Variants in F2 observed in about 807,000 individuals in gnomAD.
The protein encoded by F2 is coagulation factor II, thrombin.
In F2, 34 loss-of-function variants were observed where a neutral mutation model predicts 81.9. That is an observed-to-expected ratio of 0.42 (90% CI 0.32 to 0.55). The LOEUF (loss-of-function observed/expected upper bound fraction) is 0.55, where lower values mean the gene tolerates loss of function less well. Ranked by LOEUF, F2 falls within the 20% of genes least tolerant of loss-of-function variation. The pLI, the probability that F2 is intolerant of heterozygous loss-of-function variation, is 0.18. For missense variants in F2, 630 were observed against 833.4 expected, an observed-to-expected ratio of 0.76 and a Z score of 3.00; for synonymous variants, 296 against 326.4, an observed-to-expected ratio of 0.91 and a Z score of 1.01.
In F2 at chr11:46,728,250, T is replaced by C. The variant is rs1005882930; in HGVS notation, c.1298+87T>C. On this transcript the variant is annotated intron_variant, in intron 10 of 13. Coordinates refer to ENST00000311907, the MANE Select transcript of F2 (RefSeq NM_000506.5). The surrounding 1 kb of genome is among the most constrained non-coding windows in gnomAD (Gnocchi z 5.1). ...GGGGCCCTGGTGGCTCCGGGACACA[T>C]AGGATGTTCTGTATACCCCCCAGAA... The C allele has an allele frequency of 1.3e-5, 18 of 1,384,996 alleles. No individual in the cohort carries two copies. The African/African-American group carries it at 2.0e-4, about 15-fold the overall frequency. 85.8% of individuals were successfully genotyped at this position (1,384,996 alleles called of 1,614,324 possible).
chr11:46,719,775 G>A lies in F2; in HGVS notation c.153G>A (p.Val51=), dbSNP rs1021513492. The change falls in exon 2 of 14, where the codon GTG becomes GTA. Residue 51 remains valine, a synonymous_variant. Coordinates refer to ENST00000311907, the MANE Select transcript of F2 (RefSeq NM_000506.5). This position sits in a 1 kb window ranked among gnomAD's most constrained non-coding sequence, Gnocchi z 4.7. ...GAGCCAACACCTTCTTGGAGGAGGT[G>A]CGCAAGGGCAACCTGGAGCGAGAGT... ...VRRANTFLEE[V]RKGNLERECV... The A allele has an allele frequency of 8.8e-6, 14 of 1,598,050 alleles. No homozygotes were observed. In the African/African-American group the frequency reaches 9.4e-5, roughly 11 times the overall value.
At chr11:46,725,604 G>T (rs1401383731) in intron 6 of F2, among the ~76,000 whole-genome samples, 1 of 152,166 alleles carries the variant, frequency 6.6e-6, no homozygotes, top group Non-Finnish European at 1.5e-5. Context: ...TGGCCTAGGA[G>T]GCCAAACCTG....
At position 46,723,360 on chromosome 11, in the gene F2, G is replaced by A; in HGVS notation, c.423-22G>A. On this transcript the variant is annotated intron_variant, in intron 5 of 13. Coordinates refer to ENST00000311907, the MANE Select transcript of F2 (RefSeq NM_000506.5). This position sits in a 1 kb window ranked among gnomAD's most constrained non-coding sequence, Gnocchi z 5.6. ...CGTACCTCAAGCCCAACAGCCTCCT[G>A]TTGGGCAATTTCCTGTTCCAGAATC... The A allele has an allele frequency of 6.2e-7, 1 of 1,613,532 alleles. No homozygotes were observed. Among genetic ancestry groups the A allele is most frequent in the Non-Finnish European group, 8.5e-7 (1 of 1,179,510 alleles).
In F2 at chr11:46,739,452, G is replaced by C; in HGVS notation, c.*44G>C. 1 of 1,612,398 alleles carries C rather than the reference G, an allele frequency of 6.2e-7. No individual in the cohort carries two copies. The highest frequency in any genetic ancestry group is 8.5e-7 in the Non-Finnish European group (1 of 1,179,522). The stretch of plus-strand genomic sequence containing the variant: ...GGCTCCTGGAACCAATCCCGTGAAA[G>C]AATTATTTTTGTGTTTCTAAAACTA... On this transcript the variant is annotated 3_prime_UTR_variant, in exon 14 of 14. Coordinates refer to ENST00000311907, the MANE Select transcript of F2 (RefSeq NM_000506.5).
chr11:46,728,189 T>C lies in F2; in HGVS notation c.1298+26T>C. 6.3e-7 allele frequency: 1 copy of C among 1,599,164 alleles called. No homozygotes were observed. Reference sequence around the variant, plus strand: ...GTACAGAACTGGTGGCCCGTGGGTGTCTGGCAGGGGTCTGAGTCCTCCAAA... The same window carrying C: ...GTACAGAACTGGTGGCCCGTGGGTGCCTGGCAGGGGTCTGAGTCCTCCAAA... On this transcript the variant is annotated intron_variant, in intron 10 of 13. Transcript: ENST00000311907. The surrounding 1 kb of genome is among the most constrained non-coding windows in gnomAD (Gnocchi z 5.1).
At chr11:46,724,459 C>G (rs1233246362) in intron 6 of F2, among the ~76,000 whole-genome samples, 1 of 152,096 alleles carries the variant, frequency 6.6e-6, no homozygotes, top group African/African-American at 2.4e-5. Context: ...AAAGAAGGTA[C>G]CTGGGAAAAC....
At chr11:46,720,323 T>G in intron 2 of F2, 200 bp from the exon 3 acceptor site, 2 of 635,900 alleles carry the variant, frequency 3.1e-6, no homozygotes, top group Admixed American at 2.4e-5. Flanking sequence ...AGTCTCGGTG[T>G]GTGTGTTGGA....
Position 46,726,147 on chromosome 11 carries a change from T to C in F2, c.848T>C (p.Phe283Ser), listed in dbSNP as rs2064871108. The change falls in exon 7 of 14, where the codon TTT becomes TCT. Residue 283 changes from phenylalanine to serine, a missense_variant. Phe to Ser is a radical substitution (Grantham distance 155). Coordinates refer to ENST00000311907, the MANE Select transcript of F2 (RefSeq NM_000506.5). The surrounding 1 kb of genome is among the most constrained non-coding windows in gnomAD (Gnocchi z 5.9). ...WCYVAGKPGD[F>S]GYCDLNYCEE... ...TATGTGGCCGGGAAGCCTGGCGACT[T>C]TGGGTACTGCGACCTCAACTATTGT... 1 of 1,613,958 alleles carries C rather than the reference T, an allele frequency of 6.2e-7. No homozygotes were observed. Among genetic ancestry groups the C allele is most frequent in the Non-Finnish European group, 8.5e-7 (1 of 1,180,008 alleles).
intron 12 of F2, among the ~76,000 whole-genome samples, chr11:46,733,062 C>T (rs2064923175): frequency 6.6e-6 from 1 of 152,078 alleles, no homozygotes; most frequent in South Asian, 2.1e-4. Flanking sequence ...ATATAAAAAA[C>T]CATGAGTTCC....
rs1457898663 is a variant in F2 at position 46,723,355 on chromosome 11, C to T, written c.423-27C>T. The T allele has an allele frequency of 6.2e-7, 1 of 1,613,376 alleles. No individual in the cohort carries two copies. Among genetic ancestry groups the T allele is most frequent in the Admixed American group, 1.7e-5 (1 of 59,972 alleles). Reference sequence around the variant, plus strand: ...GCAAGCGTACCTCAAGCCCAACAGCCTCCTGTTGGGCAATTTCCTGTTCCA... The same window carrying T: ...GCAAGCGTACCTCAAGCCCAACAGCTTCCTGTTGGGCAATTTCCTGTTCCA... On this transcript the variant is annotated intron_variant, in intron 5 of 13. Coordinates refer to ENST00000311907, the MANE Select transcript of F2 (RefSeq NM_000506.5). The surrounding 1 kb of genome is among the most constrained non-coding windows in gnomAD (Gnocchi z 5.6).
Position 46,723,906 on chromosome 11 carries a change from A to G in F2, c.559+388A>G, listed in dbSNP as rs532644265. Among the ~76,000 whole-genome samples the G allele has an allele frequency of 4.0e-4, 61 of 151,666 alleles. No individual in the cohort carries two copies. Among genetic ancestry groups the G allele is most frequent in the African/African-American group, 1.4e-3 (56 of 41,430 alleles). On this transcript the variant is annotated intron_variant, in intron 6 of 13. Coordinates refer to ENST00000311907, the MANE Select transcript of F2 (RefSeq NM_000506.5). The surrounding 1 kb of genome is among the most constrained non-coding windows in gnomAD (Gnocchi z 5.6). ...ACTCTGTCTCAAAGAAAAAAAAAAG[A>G]TGCTGGCCACCTTCAGAGCTGGCGT...
Position 46,719,999 on chromosome 11 carries a change from C to G in F2, c.240+137C>G, listed in dbSNP as rs866560182. The G allele has an allele frequency of 1.4e-5, 17 of 1,248,330 alleles. No homozygotes were observed. The highest frequency in any genetic ancestry group is 2.7e-4 in the Middle Eastern group (1 of 3,706). The allele number at this position is 1,248,330 out of a possible 1,614,324, so 77.3% of individuals were successfully genotyped here. On this transcript the variant is annotated intron_variant, in intron 2 of 13. Transcript: ENST00000311907. The surrounding 1 kb of genome is among the most constrained non-coding windows in gnomAD (Gnocchi z 4.7). ...CATTTCAACTCTGAGCCCCTCCTCA[C>G]AGGGCTGGCAAGAGGAGCGGCCTCA... is the stretch of plus-strand genomic sequence containing the variant.
At chr11:46,733,283 A>G (rs2064924920) in intron 12 of F2, among the ~76,000 whole-genome samples, 1 of 152,212 alleles carries the variant, frequency 6.6e-6, no homozygotes, top group African/African-American at 2.4e-5. Flanking sequence ...AGCCCACTGC[A>G]ACCTCTGCCT....
chr11:46,738,045 G>T (rs3136506), intron 12 of F2, among the ~76,000 whole-genome samples: 1 of 151,430 alleles, frequency 6.6e-6, no homozygotes, highest in Non-Finnish European at 1.5e-5. Flanking sequence ...TCGCTCAGGC[G>T]GTAGTGCAGT....
chr11:46,735,567 G>A (rs1399004521), intron 12 of F2, among the ~76,000 whole-genome samples: 2 of 152,028 alleles, frequency 1.3e-5, no homozygotes, highest in African/African-American at 4.8e-5. Flanking sequence ...ATACTGCAGT[G>A]AGCTATGACC....
intron 9 of F2, among the ~76,000 whole-genome samples, 168 bp downstream of exon 9, chr11:46,727,005 C>A (rs1241533514): frequency 6.6e-6 from 1 of 151,660 alleles, no homozygotes; most frequent in Non-Finnish European, 1.5e-5. Context: ...TTGTTTACTT[C>A]TTTTTTTTTG....
intron 12 of F2, among the ~76,000 whole-genome samples, chr11:46,738,037 G>A (rs117303522): frequency 0.012 from 1,819 of 151,522 alleles, 16 homozygotes; most frequent in Middle Eastern, 0.027. Flanking sequence ...TTGTTCTGTC[G>A]CTCAGGCGGT....
At position 46,737,963 on chromosome 11, in the gene F2, C is replaced by T. The variant is rs180725012; in HGVS notation, c.1655-1085C>T. Among the ~76,000 whole-genome samples the T allele has an allele frequency of 1.4e-3, 215 of 151,788 alleles. 1 individual carries two copies. Among genetic ancestry groups the T allele is most frequent in the Admixed American group, 4.6e-3 (70 of 15,194 alleles). On this transcript the variant is annotated intron_variant, in intron 12 of 13. Transcript: ENST00000311907. ...ATCCTCTTCTTGCTTCAGCCTCCCA[C>T]GTAGCTAGGATCAGAGGTACATGCC...
intron 12 of F2, among the ~76,000 whole-genome samples, chr11:46,731,447 C>T (rs2064911365): frequency 6.6e-6 from 1 of 151,954 alleles, no homozygotes; most frequent in Admixed American, 6.6e-5. Flanking sequence ...TCCCAAAGTG[C>T]TGGGATTACA....
Sources: allele counts gnomAD v4.1 joint callset (sites outside exome capture counted in the v4.1 genomes callset), GRCh38; gene constraint gnomAD v4.1.1; non-coding constraint Gnocchi (gnomAD v3.1); transcripts MANE v1.5; gene names NCBI Gene and HGNC (gene_info 2026-07-23, HGNC 2026-07-21).